Variants in DHX29 observed in about 807,000 individuals in gnomAD.
The protein encoded by DHX29 is DExH-box helicase 29.
DHX29 carries 79 observed loss-of-function variants against 167.9 expected under a neutral mutation model. That is an observed-to-expected ratio of 0.47 (90% confidence interval 0.39 to 0.57). DHX29 has a LOEUF of 0.57. Ranked by LOEUF, DHX29 falls within the 20% of genes least tolerant of loss-of-function variation. The probability of loss-of-function intolerance (pLI) is 0.00; values close to 1 mark genes in which losing one functional copy is unlikely to be tolerated. For missense variants in DHX29, 1,347 were observed against 1,593.4 expected, an observed-to-expected ratio of 0.85 and a Z score of 2.63; for synonymous variants, 530 against 546.0, an observed-to-expected ratio of 0.97 and a Z score of 0.41.
At position 55,307,602 on chromosome 5, in the gene DHX29, G is replaced by T. The variant is rs767823529; in HGVS notation, c.-29C>A. On this transcript the variant is annotated 5_prime_UTR_variant, in exon 1 of 27. Transcript: ENST00000251636. ...GCAGCTGTGGCAGAAGATCCTTCGC[G>T]GCCCAGGCCCCGACGGTACCACTGC... 5.0e-6 allele frequency: 8 copies of T among 1,610,896 alleles called. No individual in the cohort carries two copies. In the East Asian group the frequency reaches 1.6e-4, roughly 31 times the overall value.
At chr5:55,273,786 T>C (rs939514686) in intron 16 of DHX29, among the ~76,000 whole-genome samples, 3 of 152,108 alleles carry the variant, frequency 2.0e-5, no homozygotes, top group African/African-American at 7.2e-5. Flanking sequence ...CTCTGCTTAA[T>C]CTTAAGAAGA....
At chr5:55,303,276 A>G (rs991313434) in intron 1 of DHX29, among the ~76,000 whole-genome samples, 2 of 152,218 alleles carry the variant, frequency 1.3e-5, no homozygotes, top group African/African-American at 4.8e-5. Flanking sequence ...TCTGATCGAC[A>G]GTGTGTACAT....
At chr5:55,283,133 T>C (rs1479206938) in intron 11 of DHX29, 70 bp downstream of exon 11, 3 of 1,501,028 alleles carry the variant, frequency 2.0e-6, no homozygotes, top group Non-Finnish European at 2.7e-6. Flanking sequence ...ACACATTCCA[T>C]TTGGATCACA....
rs1748962468 is a variant in DHX29, at chr5:55,307,675, C to A, written c.-102G>T. The stretch of plus-strand genomic sequence containing the variant: ...CCCCGGCTCCGGGGCTGCCACCCTG[C>A]GCTTCGATCCGGGCTTCTCGGGCCG... On this transcript the variant is annotated 5_prime_UTR_variant, in exon 1 of 27. Coordinates refer to ENST00000251636, the MANE Select transcript of DHX29 (RefSeq NM_019030.4). The A allele has an allele frequency of 5.5e-6, 8 of 1,450,438 alleles. No individual in the cohort carries two copies. The highest frequency in any genetic ancestry group is 1.4e-5 in the African/African-American group (1 of 70,254). 89.8% of individuals were successfully genotyped at this position (1,450,438 alleles called of 1,614,324 possible). A position where few individuals can be genotyped will look rare whatever the true frequency, so the allele number is the denominator to read the frequency against.
chr5:55,272,601 C>G (rs547211827), intron 17 of DHX29, among the ~76,000 whole-genome samples: 1 of 152,230 alleles, frequency 6.6e-6, no homozygotes, highest in Admixed American at 6.5e-5. Context: ...GGCTTTGTGG[C>G]AGGTGCCTGT....
chr5:55,277,066 T>C, intron 13 of DHX29, 40 bp downstream of exon 13: 3 of 1,450,704 alleles, frequency 2.1e-6, no homozygotes, highest in Non-Finnish European at 2.8e-6. Flanking sequence ...CTGGTGGGAA[T>C]GCAGTTTCTG....
chr5:55,290,373 G>GAAA, intron 6 of DHX29, 29 bp from the exon 7 acceptor site: 1 of 1,508,360 alleles, frequency 6.6e-7, no homozygotes, highest in Non-Finnish European at 8.9e-7. Flanking sequence ...TGAGGAGGGG[G>GAAA]AAAAAAAAAG....
chr5:55,277,369 T>A, intron 12 of DHX29, 87 bp from the exon 13 acceptor site: 1 of 860,052 alleles, frequency 1.2e-6, no homozygotes, highest in Non-Finnish European at 1.7e-6. Context: ...CCAGATTTAC[T>A]AAAAGTTATT....
intron 4 of DHX29, among the ~76,000 whole-genome samples, chr5:55,296,011 AATC>A (rs1276011729): frequency 2.0e-5 from 3 of 152,222 alleles, no homozygotes; most frequent in Non-Finnish European, 4.4e-5. Context: ...GCAAAATAAC[AATC>A]AACAACTGAA....
At chr5:55,303,671 T>C (rs1748715914) in intron 1 of DHX29, among the ~76,000 whole-genome samples, 1 of 152,228 alleles carries the variant, frequency 6.6e-6, no homozygotes, top group Admixed American at 6.5e-5. Flanking sequence ...CACACAGCAC[T>C]ATCTTCTTAC....
chr5:55,304,027 A>C (rs1039675862), intron 1 of DHX29, among the ~76,000 whole-genome samples: 1 of 152,208 alleles, frequency 6.6e-6, no homozygotes, highest in Non-Finnish European at 1.5e-5. Flanking sequence ...AACTTAAATT[A>C]CTGAACCTCT....
chr5:55,289,674 A>T (rs1397126487), intron 7 of DHX29, among the ~76,000 whole-genome samples: 1 of 152,166 alleles, frequency 6.6e-6, no homozygotes, highest in Non-Finnish European at 1.5e-5. Flanking sequence ...CAAAAATTTT[A>T]AAATAAATTA....
At position 55,272,318 on chromosome 5, in the gene DHX29, T is replaced by C. The variant is rs559170980; in HGVS notation, c.2776-143A>G. 1.3e-5 allele frequency: 8 copies of C among 596,822 alleles called. No homozygotes were observed. The African/African-American group carries it at 1.6e-4, about 12-fold the overall frequency. The allele number at this position is 596,822 out of a possible 1,614,324, so 37.0% of individuals were successfully genotyped here. On this transcript the variant is annotated intron_variant, in intron 17 of 26. Coordinates refer to ENST00000251636, the MANE Select transcript of DHX29 (RefSeq NM_019030.4). ...AAATTTACAATCTATTTGCTATTAC[T>C]GTGTAATTTTAATTTACTCTAGTTT...
chr5:55,291,112 A>G (rs1315635115), intron 6 of DHX29, among the ~76,000 whole-genome samples: 1 of 152,222 alleles, frequency 6.6e-6, no homozygotes, highest in Middle Eastern at 3.2e-3. Context: ...CTCTTATCTT[A>G]TGGAAGACAG....
Position 55,274,997 on chromosome 5 carries a change from A to G in DHX29, c.2441T>C (p.Val814Ala), listed in dbSNP as rs373265167. ...GIKKYQEYIP[V>A]QTGAHADLNP... Reference sequence around the variant, plus strand: ...TAAATCAGCATGTGCTCCAGTCTGAACTGGGATGTATTCCTAAAAGAAATC... The same window carrying G: ...TAAATCAGCATGTGCTCCAGTCTGAGCTGGGATGTATTCCTAAAAGAAATC... Residue 814 changes from valine to alanine, a missense_variant, in exon 15 of 27, where the codon GTT becomes GCT. Val to Ala is a moderately conservative substitution (Grantham distance 64). Coordinates refer to ENST00000251636, the MANE Select transcript of DHX29 (RefSeq NM_019030.4). The G allele has an allele frequency of 2.6e-5, 42 of 1,612,266 alleles. No individual in the cohort carries two copies. The highest frequency in any genetic ancestry group is 1.6e-4 in the Middle Eastern group (1 of 6,076).
At chr5:55,275,761 GTATGTATGTA>G (rs1561146718) in intron 14 of DHX29, among the ~76,000 whole-genome samples, 6 of 152,066 alleles carry the variant, frequency 3.9e-5, no homozygotes, top group African/African-American at 9.7e-5. Context: ...ATGTATGTAT[GTATGTATGTA>G]TGTGTGTGTG....
In DHX29 at chr5:55,274,695, A is replaced by G. The variant is rs754794124; in HGVS notation, c.2609T>C (p.Val870Ala). Residue 870 changes from valine to alanine, a missense_variant, in exon 16 of 27, where the codon GTA becomes GCA. By Grantham distance (64) the Val-to-Ala change is moderately conservative. Transcript: ENST00000251636. ...AGCAAGTCCTGGTAAAAAGATCAAT[A>G]CTGCTCCTTCAATATTTCTGAATTG... ...SPQFRNIEGA[V>A]LIFLPGLAHI... is the part of the protein sequence containing the mutation. The G allele has an allele frequency of 6.3e-7, 1 of 1,598,864 alleles. No homozygotes were observed. The highest frequency in any genetic ancestry group is 1.8e-5 in the Admixed American group (1 of 56,114).
chr5:55,289,319 C>G lies in DHX29; in HGVS notation c.1017G>C (p.Leu339Phe). 6.3e-7 allele frequency: 1 copy of G among 1,590,660 alleles called. No individual in the cohort carries two copies. Among genetic ancestry groups the G allele is most frequent in the Non-Finnish European group, 8.5e-7 (1 of 1,173,012 alleles). The change falls in exon 8 of 27, where the codon TTG (leucine) becomes TTC (phenylalanine). Residue 339 changes from leucine (L) to phenylalanine (F), a missense_variant. Transcript: ENST00000251636. ...CAGATTTTTCAAATAAATTAAAATT[C>G]AATGCACTTTCTCCTTCTGTGGCTA... ...PPVATEGESA[L>F]NFNLFEKSAA...
chr5:55,256,721 G>C (rs1416345489), intron 26 of DHX29, among the ~76,000 whole-genome samples, 181 bp from the exon 27 acceptor site: 1 of 152,120 alleles, frequency 6.6e-6, no homozygotes, highest in African/African-American at 2.4e-5. Flanking sequence ...AGATTTTATT[G>C]CTGTAGGTTA....
Sources: gnomAD v4.1 joint callset for allele counts (sites outside exome capture counted in the v4.1 genomes callset) on GRCh38, gnomAD v4.1.1 for gene constraint, MANE v1.5 for transcripts, NCBI Gene and HGNC (gene_info 2026-07-23, HGNC 2026-07-21) for gene names.